The following STIP1 variants were observed in gnomAD, a reference collection of about 807,000 sequenced individuals.
The protein encoded by STIP1 is stress induced phosphoprotein 1.
Under a neutral mutation model 77.4 loss-of-function variants are expected in STIP1, and 16 were observed. The observed-to-expected ratio is 0.21, with a 90% CI of 0.14 to 0.31. STIP1 has a LOEUF of 0.31. Among genes scored for constraint, STIP1 ranks in the 10% least tolerant of loss-of-function variants. The probability of loss-of-function intolerance (pLI) is 1.00; values close to 1 mark genes in which losing one functional copy is unlikely to be tolerated. For missense variants in STIP1, 524 were observed against 684.8 expected (o/e 0.77, Z 2.62); for synonymous variants, 258 against 246.6 (o/e 1.05, Z -0.44).
chr11:64,190,776 C>A (rs1266588612), intron 1 of STIP1, among the ~76,000 whole-genome samples: 1 of 152,058 alleles, frequency 6.6e-6, no homozygotes, highest in Non-Finnish European at 1.5e-5. Context: ...AGGAGGGTTG[C>A]TTTAGGCCAA....
At chr11:64,185,780 C>A (rs771087974), upstream of STIP1, 15 of 1,532,492 alleles carry the variant, frequency 9.8e-6, no homozygotes, top group Non-Finnish European at 1.2e-5. Flanking sequence ...AGTTGGCAAC[C>A]CTCCGCCCAA....
chr11:64,196,624 G>T (rs1193768641), intron 5 of STIP1, among the ~76,000 whole-genome samples: 1 of 152,154 alleles, frequency 6.6e-6, no homozygotes, highest in Non-Finnish European at 1.5e-5. Context: ...GGCTGGACAT[G>T]GTGTGTGGTT....
At chr11:64,197,709 A>G (rs1425613033) in intron 7 of STIP1, 114 bp downstream of exon 7, 26 of 1,548,712 alleles carry the variant, frequency 1.7e-5, no homozygotes, top group Non-Finnish European at 2.3e-5. Context: ...TGTGTTAAGA[A>G]AGGGCTGGCA....
rs749560957 is a variant in STIP1 at position 64,197,506 on chromosome 11, A to G, written c.813A>G (p.Glu271=). ...CCTGCCTGGCAGCGGTATACTTTGA[A>G]AAGGGCGACTACAATAAGTGCCGGG... ...YITNQAAVYF[E]KGDYNKCREL... The change falls in exon 7 of 14, where the codon GAA becomes GAG. Residue 271 remains glutamate, a synonymous_variant. Coordinates refer to ENST00000305218, the MANE Select transcript of STIP1 (RefSeq NM_006819.3). The G allele has an allele frequency of 4.3e-6, 7 of 1,614,130 alleles. No homozygotes were observed. Among genetic ancestry groups the G allele is most frequent in the Non-Finnish European group, 5.9e-6 (7 of 1,180,020 alleles).
chr11:64,201,495 C>T (rs1476470025), intron 10 of STIP1, among the ~76,000 whole-genome samples: 1 of 152,170 alleles, frequency 6.6e-6, no homozygotes, highest in African/African-American at 2.4e-5. Flanking sequence ...TCCCATAATC[C>T]TCTCGAATCT....
Position 64,202,879 on chromosome 11 carries a change from T to C in STIP1, c.1249T>C (p.Cys417Arg). The change falls in exon 11 of 14, where the codon TGT becomes CGT. Residue 417 changes from cysteine to arginine, a missense_variant. By Grantham distance (180) the Cys-to-Arg change is radical. Coordinates refer to ENST00000305218, the MANE Select transcript of STIP1 (RefSeq NM_006819.3). The stretch of plus-strand genomic sequence containing the variant: ...TCTTTCTGTTGCTTCATTCTAGGAC[T>C]GTGAGGAATGTATCCAGCTGGAGCC... The part of the protein sequence containing the change: ...LLEFQLALKD[C>R]EECIQLEPTF... The C allele has an allele frequency of 6.2e-7, 1 of 1,614,228 alleles. No individual in the cohort carries two copies. Among genetic ancestry groups the C allele is most frequent in the Non-Finnish European group, 8.5e-7 (1 of 1,180,044 alleles).
chr11:64,200,538 TGTGTGTATGTGTGTGTGC>T (rs1365828792), intron 10 of STIP1, among the ~76,000 whole-genome samples: 1 of 151,730 alleles, frequency 6.6e-6, no homozygotes, highest in Non-Finnish European at 1.5e-5. Flanking sequence ...TAGGGGTGTG[TGTGTGTATGTGTGTGTGC>T]GTGTGTAAAA....
chr11:64,200,269 C>T lies in STIP1; in HGVS notation c.1221C>T (p.Leu407=), dbSNP rs140438611. The stretch of plus-strand genomic sequence containing the variant: ...ATCGAGCTGCCTGCTACACCAAACT[C>T]CTGGAGTTCCAGCTGGCACTCAAGG... ...YSNRAACYTK[L]LEFQLALKDC... The change falls in exon 10 of 14, where the codon CTC becomes CTT. Residue 407 remains leucine, a synonymous_variant. Transcript: ENST00000305218. The T allele has an allele frequency of 7.4e-6, 12 of 1,612,724 alleles. No individual in the cohort carries two copies. In the African/African-American group the frequency reaches 1.6e-4, roughly 22 times the overall value.
At chr11:64,191,270 A>ACTGC in intron 1 of STIP1, among the ~76,000 whole-genome samples, 1 of 151,554 alleles carries the variant, frequency 6.6e-6, no homozygotes, top group Non-Finnish European at 1.5e-5. Flanking sequence ...TGATCATGCC[A>ACTGC]CTGCACTCCA....
At chr11:64,203,822 G>T (rs1175565783) in intron 13 of STIP1, 200 bp downstream of exon 13, 1 of 787,018 alleles carries the variant, frequency 1.3e-6, no homozygotes, top group East Asian at 2.7e-5. Flanking sequence ...CATTTGGAAA[G>T]GCCCATTTAG....
chr11:64,186,345 G>T, intron 1 of STIP1, 75 bp downstream of exon 1: 1 of 1,338,274 alleles, frequency 7.5e-7, no homozygotes, highest in Non-Finnish European at 1.0e-6. Context: ...GTAGGGGGGC[G>T]GGGCGGGCGC....
intron 4 of STIP1, 97 bp from the exon 5 acceptor site, chr11:64,195,548 A>G: frequency 7.8e-7 from 1 of 1,285,966 alleles, no homozygotes. Context: ...GAGCTTCTAA[A>G]CACAAGAATC....
intron 2 of STIP1, 39 bp from the exon 3 acceptor site, chr11:64,194,150 G>C: frequency 6.3e-7 from 1 of 1,586,016 alleles, no homozygotes; most frequent in South Asian, 1.2e-5. Flanking sequence ...ATTTACCTCT[G>C]GGTGTTCTCT....
At chr11:64,202,784 G>A (rs1442412362) in intron 10 of STIP1, 92 bp from the exon 11 acceptor site, 2 of 1,394,842 alleles carry the variant, frequency 1.4e-6, no homozygotes, top group Non-Finnish European at 2.0e-6. Context: ...TGCTGGGTGA[G>A]GCATTAGAGT....
intron 1 of STIP1, among the ~76,000 whole-genome samples, chr11:64,187,997 C>T (rs1244830837): frequency 1.3e-5 from 2 of 148,254 alleles, no homozygotes; most frequent in South Asian, 2.2e-4. Flanking sequence ...AGCGAGACTC[C>T]GTCTCCCTCC....
At chr11:64,203,374 C>A in intron 12 of STIP1, 76 bp from the exon 13 acceptor site, 2 of 1,600,126 alleles carry the variant, frequency 1.2e-6, no homozygotes, top group Non-Finnish European at 1.7e-6. Flanking sequence ...TCAGTTACCT[C>A]TGTTATCTTG....
At chr11:64,196,345 G>A (rs1946149869) in intron 5 of STIP1, among the ~76,000 whole-genome samples, 1 of 143,436 alleles carries the variant, frequency 7.0e-6, no homozygotes, top group South Asian at 2.2e-4. Flanking sequence ...GCAATAAGCT[G>A]AGAGCTCATC....
At chr11:64,191,547 C>T (rs1395785316) in intron 1 of STIP1, among the ~76,000 whole-genome samples, 2 of 151,258 alleles carry the variant, frequency 1.3e-5, no homozygotes, top group African/African-American at 2.4e-5. Context: ...CGGAGGTTGC[C>T]GTGAGGCAAG....
chr11:64,196,797 C>A, intron 5 of STIP1: 1 of 158,944 alleles, frequency 6.3e-6, no homozygotes, highest in Non-Finnish European at 1.4e-5. Context: ...AAAGGCCCTC[C>A]AGTGTGGGCG....
Sources: allele counts gnomAD v4.1 joint callset (sites outside exome capture counted in the v4.1 genomes callset), GRCh38; gene constraint gnomAD v4.1.1; transcripts MANE v1.5; gene names NCBI Gene and HGNC (gene_info 2026-07-23, HGNC 2026-07-21).